The following ARHGAP24 variants were observed in gnomAD, a reference collection of about 807,000 sequenced individuals.
The protein encoded by ARHGAP24 is Rho GTPase activating protein 24.
ARHGAP24 carries 50 observed loss-of-function variants against 76.4 expected under a neutral mutation model. The ratio of observed to expected loss-of-function variants is 0.65; its 90% CI spans 0.52 to 0.83. ARHGAP24 has a LOEUF of 0.83. Among genes scored for constraint, ARHGAP24 ranks in the 40% least tolerant of loss-of-function variants. The probability of loss-of-function intolerance (pLI) is 0.00; values close to 1 mark genes in which losing one functional copy is unlikely to be tolerated. For synonymous variants in ARHGAP24, 345 were observed against 323.3 expected (o/e 1.07, Z -0.72); for missense variants, 930 against 914.2 (o/e 1.02, Z -0.22).
intron 2 of ARHGAP24, among the ~76,000 whole-genome samples, chr4:85,700,547 A>G (rs918435821): frequency 5.9e-5 from 9 of 152,118 alleles, no homozygotes; most frequent in African/African-American, 1.9e-4. Flanking sequence ...ATCAATGGAG[A>G]TAGGAAGGAT....
intron 2 of ARHGAP24, among the ~76,000 whole-genome samples, chr4:85,596,206 A>G (rs1403936116): frequency 6.6e-6 from 1 of 151,988 alleles, no homozygotes; most frequent in Non-Finnish European, 1.5e-5. Flanking sequence ...TGAAGAAAAT[A>G]GCAATGCAGT....
chr4:85,824,700 A>AG (rs1368476411), intron 3 of ARHGAP24, among the ~76,000 whole-genome samples: 13 of 152,324 alleles, frequency 8.5e-5, no homozygotes, highest in African/African-American at 2.6e-4. Context: ...GGAAAAAAAA[A>AG]CAACATAGAG....
chr4:85,807,652 A>G (rs912113642), intron 3 of ARHGAP24, among the ~76,000 whole-genome samples: 4 of 152,142 alleles, frequency 2.6e-5, no homozygotes, highest in Non-Finnish European at 5.9e-5. Context: ...CAAGCCACAT[A>G]CTATCCTGAT....
At chr4:85,738,284 T>A (rs1351412040) in intron 3 of ARHGAP24, among the ~76,000 whole-genome samples, 1 of 152,018 alleles carries the variant, frequency 6.6e-6, no homozygotes, top group Non-Finnish European at 1.5e-5. Context: ...ATTGACTATC[T>A]TTTCATGTGC....
intron 2 of ARHGAP24, among the ~76,000 whole-genome samples, chr4:85,712,021 C>A (rs140724435): frequency 1.3e-5 from 2 of 152,258 alleles, no homozygotes; most frequent in Non-Finnish European, 1.5e-5. Flanking sequence ...CCTCCCTATT[C>A]TTTTTCTTTT....
intron 2 of ARHGAP24, among the ~76,000 whole-genome samples, chr4:85,637,694 A>G (rs1271933654): frequency 6.6e-6 from 1 of 152,092 alleles, no homozygotes; most frequent in Admixed American, 6.6e-5. Flanking sequence ...TGAAATAAAA[A>G]TATTTTGAAT....
chr4:85,903,846 G>A (rs1734627332), intron 3 of ARHGAP24, among the ~76,000 whole-genome samples: 1 of 151,956 alleles, frequency 6.6e-6, no homozygotes, highest in Non-Finnish European at 1.5e-5. Context: ...TAAAACACAA[G>A]TCTTTTGAGA....
chr4:85,696,077 T>A (rs1290631504), intron 2 of ARHGAP24, among the ~76,000 whole-genome samples: 1 of 152,152 alleles, frequency 6.6e-6, no homozygotes, highest in Non-Finnish European at 1.5e-5. Flanking sequence ...TCTCTCAGAA[T>A]ATATGAACTA....
At chr4:85,717,680 A>G (rs1724783434) in intron 2 of ARHGAP24, among the ~76,000 whole-genome samples, 1 of 152,144 alleles carries the variant, frequency 6.6e-6, no homozygotes, top group Admixed American at 6.6e-5. Flanking sequence ...ACTAAATCTT[A>G]AAACCCTACC....
At chr4:85,914,770 CA>C (rs1735279757) in intron 3 of ARHGAP24, among the ~76,000 whole-genome samples, 1 of 152,188 alleles carries the variant, frequency 6.6e-6, no homozygotes, top group Non-Finnish European at 1.5e-5. Flanking sequence ...TGTAAGTCAA[CA>C]AACTCCCTGT....
At chr4:85,560,062 A>G (rs140434083) in intron 1 of ARHGAP24, among the ~76,000 whole-genome samples, 13 of 152,268 alleles carry the variant, frequency 8.5e-5, no homozygotes, top group Admixed American at 7.2e-4. Flanking sequence ...TGATTAATTA[A>G]TAATGTCTGC....
chr4:85,517,691 G>A (rs1220629485), intron 1 of ARHGAP24, among the ~76,000 whole-genome samples: 1 of 151,966 alleles, frequency 6.6e-6, no homozygotes, highest in Non-Finnish European at 1.5e-5. Flanking sequence ...CATGCTTAGT[G>A]CAATGCTTAC....
At chr4:85,733,590 T>A (rs1283947445) in intron 3 of ARHGAP24, among the ~76,000 whole-genome samples, 1 of 152,140 alleles carries the variant, frequency 6.6e-6, no homozygotes, top group African/African-American at 2.4e-5. Context: ...TACTACAAAC[T>A]GGGTGACATA....
At chr4:85,728,634 G>A (rs1376894608) in intron 3 of ARHGAP24, among the ~76,000 whole-genome samples, 2 of 152,122 alleles carry the variant, frequency 1.3e-5, no homozygotes, top group Non-Finnish European at 1.5e-5. Context: ...GGGTCTGGAG[G>A]CTGTAAAATT....
intron 1 of ARHGAP24, among the ~76,000 whole-genome samples, chr4:85,507,946 T>C (rs578113920): frequency 6.6e-6 from 1 of 152,192 alleles, no homozygotes. Flanking sequence ...TAAAATATGA[T>C]TAAATCAACT....
At chr4:85,970,408 G>A (rs1308490319) in intron 5 of ARHGAP24, among the ~76,000 whole-genome samples, 2 of 152,040 alleles carry the variant, frequency 1.3e-5, no homozygotes, top group Admixed American at 6.6e-5. Flanking sequence ...TCACATACTT[G>A]TCTTATTATC....
At chr4:85,844,059 C>T (rs1020596393) in intron 3 of ARHGAP24, among the ~76,000 whole-genome samples, 1 of 152,056 alleles carries the variant, frequency 6.6e-6, no homozygotes, top group Non-Finnish European at 1.5e-5. Flanking sequence ...ATTTAGCTTC[C>T]TCATGTAAAG....
At chr4:85,849,316 G>A (rs1450821395) in intron 3 of ARHGAP24, among the ~76,000 whole-genome samples, 1 of 151,358 alleles carries the variant, frequency 6.6e-6, no homozygotes, top group Non-Finnish European at 1.5e-5. Flanking sequence ...AGACTTTGCT[G>A]AAGTTGCTTA....
intron 5 of ARHGAP24, among the ~76,000 whole-genome samples, chr4:85,954,270 G>T (rs1578427567): frequency 6.6e-6 from 1 of 152,156 alleles, no homozygotes; most frequent in African/African-American, 2.4e-5. Flanking sequence ...CCTACCTTGT[G>T]CTGGATACTA....
Sources: gnomAD v4.1 joint callset for allele counts (sites outside exome capture counted in the v4.1 genomes callset) on GRCh38, gnomAD v4.1.1 for gene constraint, MANE v1.5 for transcripts, NCBI Gene and HGNC (gene_info 2026-07-23, HGNC 2026-07-21) for gene names.